APOH: variants seen among roughly 807,000 people sequenced by gnomAD.
The protein encoded by APOH is beta-2-glycoprotein 1.
In APOH, 48 loss-of-function variants were observed where a neutral mutation model predicts 39.8. The ratio of observed to expected loss-of-function variants is 1.21; its 90% confidence interval spans 0.96 to 1.54. The LOEUF is 1.54. Ranked by LOEUF, APOH falls within the 40% of genes most tolerant of loss-of-function variation. The pLI, the probability that APOH is intolerant of heterozygous loss-of-function variation, is 0.00. For missense variants in APOH, 415 were observed against 421.2 expected (o/e 0.99, Z 0.13); for synonymous variants, 153 against 151.1 (o/e 1.01, Z -0.09).
intron 1 of APOH, chr17:66,228,457 A>G (rs1009143353): frequency 1.8e-5 from 7 of 395,878 alleles, no homozygotes; most frequent in Non-Finnish European, 2.8e-5. Flanking sequence ...ACACATGGCA[A>G]TATTAAAGAA....
intron 5 of APOH, among the ~76,000 whole-genome samples, chr17:66,220,055 C>A (rs1392838560): frequency 1.3e-5 from 2 of 152,172 alleles, no homozygotes; most frequent in Non-Finnish European, 2.9e-5. Flanking sequence ...TCAAATATTT[C>A]TGTGATTCTT....
chr17:66,213,345 G>C (rs542151068), intron 7 of APOH, among the ~76,000 whole-genome samples: 2 of 152,284 alleles, frequency 1.3e-5, no homozygotes, highest in South Asian at 4.1e-4. Flanking sequence ...CACAAACCTG[G>C]TATCATTCTC....
intron 5 of APOH, 28 bp downstream of exon 5, chr17:66,220,526 G>A (rs3744317): frequency 0.63 from 1,013,255 of 1,600,406 alleles, 327,248 homozygotes; most frequent in East Asian, 0.93. Context: ...GCCCTACCAT[G>A]CGTATTTTGT....
chr17:66,220,085 T>A (rs72837189), intron 5 of APOH, among the ~76,000 whole-genome samples: 104 of 152,312 alleles, frequency 6.8e-4, no homozygotes, highest in Middle Eastern at 3.4e-3. Flanking sequence ...TAAAGATTTT[T>A]AAAATGTGTA....
At chr17:66,228,427 G>T in intron 1 of APOH, among the ~76,000 whole-genome samples, 1 of 152,068 alleles carries the variant, frequency 6.6e-6, no homozygotes, top group East Asian at 1.9e-4. Flanking sequence ...AATTGGCTAC[G>T]TATCTTACAG....
In APOH at chr17:66,226,071, T is replaced by A. The variant is rs767873103; in HGVS notation, c.295A>T (p.Thr99Ser). 1.2e-6 allele frequency: 2 copies of A among 1,613,788 alleles called. No homozygotes were observed. The highest frequency in any genetic ancestry group is 1.3e-5 in the African/African-American group (1 of 74,998). The change falls in exon 3 of 8, where the codon ACT becomes TCT. Residue 99 changes from threonine (T) to serine (S), a missense_variant. By Grantham distance (58) the Thr-to-Ser change is moderately conservative (BLOSUM62 1). Coordinates refer to ENST00000205948, the MANE Select transcript of APOH (RefSeq NM_000042.3). ...CTGATCGTGTTGGGATATTCAAAAG[T>A]CGTATAGCGTACGGCTCCATTTTCT... ...ILENGAVRYTTFEYPNTISFS... is the reference protein window; with the variant it reads ...ILENGAVRYTSFEYPNTISFS...
intron 3 of APOH, among the ~76,000 whole-genome samples, chr17:66,224,470 T>TAAAAAAAAAA (rs760150264): frequency 6.8e-4 from 29 of 42,922 alleles, no homozygotes; most frequent in East Asian, 3.4e-3. Context: ...GAAGATCCTG[T>TAAAAAAAAAA]AAAAAAAAAA....
In APOH at chr17:66,226,193, A is replaced by C. The variant is rs572759082; in HGVS notation, c.242-69T>G. ...AAAAAACATAAACAGGTAAATTTCT[A>C]TTTATAGAATTTTTCATTAAATGAA... is the stretch of plus-strand genomic sequence containing the variant. On this transcript the variant is annotated intron_variant, in intron 2 of 7. Transcript: ENST00000205948. 40 of 1,102,718 alleles carry C rather than the reference A, an allele frequency of 3.6e-5. No homozygotes were observed. The African/African-American group carries it at 5.1e-4, about 14-fold the overall frequency. The allele number at this position is 1,102,718 out of a possible 1,614,324, so 68.3% of individuals were successfully genotyped here.
rs201811514 is a variant in APOH, at chr17:66,228,205, G to A, written c.65-9C>T. 297 of 1,610,634 alleles carry A rather than the reference G, an allele frequency of 1.8e-4. No individual in the cohort carries two copies. Among genetic ancestry groups the A allele is most frequent in the Admixed American group, 1.2e-3 (71 of 59,598 alleles). ...ATCTGGCTTGGGACAGGCTGAAAGA[G>A]GGCACAAAGCAGATGGTTAACAAAT... On this transcript the variant is annotated splice_polypyrimidine_tract_variant and intron_variant, in intron 1 of 7. Coordinates refer to ENST00000205948, the MANE Select transcript of APOH (RefSeq NM_000042.3).
At chr17:66,220,497 C>T in intron 5 of APOH, 57 bp downstream of exon 5, 4 of 1,543,572 alleles carry the variant, frequency 2.6e-6, no homozygotes, top group East Asian at 2.3e-5. Flanking sequence ...TTTTCAATAC[C>T]TTTCACAAAT....
Position 66,229,395 on chromosome 17 carries a change from C to T in APOH, c.-16G>A. 1 of 1,612,226 alleles carries T rather than the reference C, an allele frequency of 6.2e-7. No homozygotes were observed. The highest frequency in any genetic ancestry group is 8.5e-7 in the Non-Finnish European group (1 of 1,178,814). On this transcript the variant is annotated 5_prime_UTR_variant, in exon 1 of 8. The change creates a new upstream start codon in the 5' untranslated region. Transcript: ENST00000205948. ...GAGAAATCATTGTGGATGAGTCACA[C>T]TGGCACTACCAAAGTGGTTTTCGTC...
rs756663940 is a variant in APOH at position 66,227,985 on chromosome 17, G to A, written c.241+35C>T. The A allele has an allele frequency of 6.3e-6, 10 of 1,588,630 alleles. 1 individual carries two copies. In the East Asian group the frequency reaches 9.0e-5, roughly 14 times the overall value. ...CCTCCAAAATACCCAGAATCCAAAT[G>A]AGGGAAGAGAATGTGAGAGAAGGTA... On this transcript the variant is annotated intron_variant, in intron 2 of 7. Transcript: ENST00000205948.
intron 5 of APOH, 105 bp downstream of exon 5, chr17:66,220,449 T>C: frequency 1.8e-6 from 2 of 1,098,572 alleles, no homozygotes; most frequent in Middle Eastern, 2.3e-4. Context: ...AAACAGCTGT[T>C]GAATGAGTTC....
chr17:66,225,968 G>C, intron 3 of APOH, 60 bp downstream of exon 3: 1 of 1,202,366 alleles, frequency 8.3e-7, no homozygotes. Flanking sequence ...TTGATGTTTA[G>C]CTTAAGGATA....
chr17:66,228,276 G>A (rs2073451899), intron 1 of APOH, 80 bp from the exon 2 acceptor site: 1 of 1,462,800 alleles, frequency 6.8e-7, no homozygotes, highest in Non-Finnish European at 9.4e-7. Flanking sequence ...AATGAAAAAT[G>A]TGTGTACTGT....
chr17:66,222,138 G>C (rs1168839684), intron 4 of APOH, among the ~76,000 whole-genome samples: 4 of 152,210 alleles, frequency 2.6e-5, no homozygotes, highest in African/African-American at 9.6e-5. Context: ...TGTAATCCCA[G>C]AGCCCTGAGA....
At chr17:66,226,534 C>T (rs1166768046) in intron 2 of APOH, among the ~76,000 whole-genome samples, 1 of 151,246 alleles carries the variant, frequency 6.6e-6, no homozygotes, top group African/African-American at 2.4e-5. Context: ...ACTCTGGATG[C>T]TGAGGCAGGA....
intron 1 of APOH, among the ~76,000 whole-genome samples, chr17:66,229,053 G>A (rs751443455): frequency 1.3e-5 from 2 of 151,632 alleles, no homozygotes; most frequent in African/African-American, 2.4e-5. Context: ...GGCTGGGCTC[G>A]AATTCCTGAC....
At chr17:66,227,983 A>G in intron 2 of APOH, 37 bp downstream of exon 2, 1 of 1,586,772 alleles carries the variant, frequency 6.3e-7, no homozygotes, top group African/African-American at 1.3e-5. Flanking sequence ...CAGAATCCAA[A>G]TGAGGGAAGA....
Sources: gnomAD v4.1 joint callset for allele counts (sites outside exome capture counted in the v4.1 genomes callset) on GRCh38, gnomAD v4.1.1 for gene constraint, MANE v1.5 for transcripts, NCBI Gene and HGNC (gene_info 2026-07-23, HGNC 2026-07-21) for gene names.